Variants in RPSA2 observed in about 807,000 individuals in gnomAD.
The protein encoded by RPSA2 is ribosomal protein SA 2, also known as small ribosomal subunit protein uS2B.
the RPSA2 span, chr19:23,843,134 C>T: frequency 5.8e-6 from 1 of 173,596 alleles, no homozygotes; most frequent in African/African-American, 2.4e-5. Context: ...AGGATGGTAA[C>T]TGGAGAATCC....
chr19:23,785,859 C>T, the RPSA2 span, among the ~76,000 whole-genome samples: 1 of 152,160 alleles, frequency 6.6e-6, no homozygotes, highest in Non-Finnish European at 1.5e-5. Flanking sequence ...GATCCTCGGT[C>T]TCCTTTTTTG....
the RPSA2 span, among the ~76,000 whole-genome samples, chr19:23,769,115 CTG>C: frequency 4.6e-5 from 7 of 152,216 alleles, no homozygotes; most frequent in Non-Finnish European, 8.8e-5. Context: ...ATCGCTGAGA[CTG>C]TGTGACTCTC....
the RPSA2 span, among the ~76,000 whole-genome samples, chr19:23,860,187 G>A: frequency 2.0e-5 from 3 of 152,060 alleles, no homozygotes; most frequent in African/African-American, 7.2e-5. Context: ...ACCCTACAGA[G>A]CTGAGCCCCC....
At chr19:23,762,676 CA>C in the RPSA2 span, among the ~76,000 whole-genome samples, 6 of 130,070 alleles carry the variant, frequency 4.6e-5, no homozygotes, top group African/African-American at 5.8e-5. Context: ...AACTCGGTCT[CA>C]AAAAAAAAAA....
the RPSA2 span, among the ~76,000 whole-genome samples, chr19:23,836,087 T>C: frequency 6.6e-6 from 1 of 152,088 alleles, no homozygotes; most frequent in African/African-American, 2.4e-5. Context: ...GAGATCTTGG[T>C]GCACCCATCA....
At chr19:23,870,682 T>C in the RPSA2 span, among the ~76,000 whole-genome samples, 3 of 152,218 alleles carry the variant, frequency 2.0e-5, no homozygotes, top group Non-Finnish European at 1.5e-5. Flanking sequence ...ATAATGTTGT[T>C]CTGTCTCTGT....
the RPSA2 span, among the ~76,000 whole-genome samples, chr19:23,803,131 A>T: frequency 2.0e-5 from 3 of 151,946 alleles, no homozygotes; most frequent in East Asian, 5.8e-4. Context: ...AAAATGAAAC[A>T]GAACTGAAAA....
the RPSA2 span, chr19:23,809,192 G>A: frequency 6.6e-6 from 1 of 152,252 alleles, no homozygotes; most frequent in African/African-American, 2.4e-5. Context: ...TGAAATGCAC[G>A]AGAGTGACGG....
chr19:23,846,025 A>G, the RPSA2 span, among the ~76,000 whole-genome samples: 1 of 152,168 alleles, frequency 6.6e-6, no homozygotes, highest in Non-Finnish European at 1.5e-5. Context: ...TTTCTCCACT[A>G]TTATTGTGTT....
the RPSA2 span, chr19:23,763,043 C>T: frequency 1.3e-5 from 2 of 152,848 alleles, no homozygotes; most frequent in African/African-American, 4.8e-5. Context: ...CGTCCTCCAC[C>T]TCGGTAGCCC....
chr19:23,786,734 G>A, the RPSA2 span, among the ~76,000 whole-genome samples: 1 of 151,876 alleles, frequency 6.6e-6, no homozygotes, highest in Non-Finnish European at 1.5e-5. Flanking sequence ...CAGATTACTG[G>A]CCTAGCATCT....
chr19:23,832,631 C>G, the RPSA2 span: 51 of 1,438,172 alleles, frequency 3.5e-5, no homozygotes, highest in Non-Finnish European at 4.7e-5. Context: ...TGGGAGAGAC[C>G]CTACAAATGT....
chr19:23,838,848 A>G, the RPSA2 span, among the ~76,000 whole-genome samples: 1 of 151,920 alleles, frequency 6.6e-6, no homozygotes, highest in Non-Finnish European at 1.5e-5. Context: ...TTCTTGATCA[A>G]TTTTGCTAAT....
At chr19:23,778,723 C>T in the RPSA2 span, among the ~76,000 whole-genome samples, 1 of 152,128 alleles carries the variant, frequency 6.6e-6, no homozygotes, top group African/African-American at 2.4e-5. Flanking sequence ...GACCCATCAC[C>T]TGGATGATGT....
the RPSA2 span, among the ~76,000 whole-genome samples, chr19:23,811,435 G>T: frequency 6.6e-6 from 1 of 152,080 alleles, no homozygotes; most frequent in African/African-American, 2.4e-5. Context: ...AAACCATGAT[G>T]CGTGATTCTC....
the RPSA2 span, among the ~76,000 whole-genome samples, chr19:23,760,056 TTGCCAATACCCTGTGA>T: frequency 6.6e-6 from 1 of 152,134 alleles, no homozygotes; most frequent in Non-Finnish European, 1.5e-5. Flanking sequence ...GAATTTCTCC[TTGCCAATACCCTGTGA>T]GGGGAGGCCC....
the RPSA2 span, among the ~76,000 whole-genome samples, chr19:23,824,695 G>T: frequency 6.8e-6 from 1 of 147,132 alleles, no homozygotes; most frequent in African/African-American, 2.5e-5. Flanking sequence ...CATGGTGCCT[G>T]GTCACCATGT....
the RPSA2 span, among the ~76,000 whole-genome samples, chr19:23,867,435 G>A: frequency 6.6e-6 from 1 of 152,158 alleles, no homozygotes; most frequent in African/African-American, 2.4e-5. Context: ...TAATAACCTA[G>A]GATTTAAAAT....
chr19:23,758,861 G>A, the RPSA2 span: 3 of 1,464,574 alleles, frequency 2.0e-6, no homozygotes, highest in South Asian at 1.2e-5. Context: ...CAGTGAAGAC[G>A]AGACCCGGAG....
Sources: gnomAD v4.1 joint callset for allele counts (sites outside exome capture counted in the v4.1 genomes callset) on GRCh38, gnomAD v4.1.1 for gene constraint, MANE v1.5 for transcripts, NCBI Gene and HGNC (gene_info 2026-07-23, HGNC 2026-07-21) for gene names.